Variants in ADARB2 observed in about 807,000 individuals in gnomAD.
The protein encoded by ADARB2 is inactive double-stranded RNA-specific editase B2.
A neutral mutation model predicts 62.2 loss-of-function variants in ADARB2; 25 were observed. The ratio of observed to expected loss-of-function variants is 0.40; its 90% CI spans 0.29 to 0.56. The LOEUF (loss-of-function observed/expected upper bound fraction) is 0.56, where lower values mean the gene tolerates loss of function less well. ADARB2 is among the 20% of genes least tolerant of loss of function. ADARB2 has a pLI of 0.43. For missense variants in ADARB2, 1,071 were observed against 1,077.4 expected (o/e 0.99, Z 0.08); for synonymous variants, 572 against 500.8 (o/e 1.14, Z -1.90).
intron 1 of ADARB2, among the ~76,000 whole-genome samples, chr10:1,712,096 G>A (rs775277664): frequency 2.0e-5 from 3 of 152,172 alleles, no homozygotes; most frequent in Non-Finnish European, 4.4e-5. Context: ...TTTGTAAGAT[G>A]TATTAAGAAA....
chr10:1,524,564 A>C (rs1242650789), intron 1 of ADARB2, among the ~76,000 whole-genome samples: 1 of 152,130 alleles, frequency 6.6e-6, no homozygotes, highest in African/African-American at 2.4e-5. Context: ...CCTAATGAAA[A>C]ATGTAGTATC....
intron 1 of ADARB2, among the ~76,000 whole-genome samples, chr10:1,452,961 G>A (rs1253894049): frequency 1.3e-5 from 2 of 152,208 alleles, no homozygotes; most frequent in Non-Finnish European, 2.9e-5. Flanking sequence ...GCCGCGCAGA[G>A]CCTGGGCCTC....
At position 1,310,370 on chromosome 10, in the gene ADARB2, A is replaced by ACTTCATTGACTCTGAATAACATTC. The variant is rs879348174; in HGVS notation, c.1078-39325_1078-39302dup. 5.9e-3 allele frequency among the ~76,000 whole-genome samples: 890 copies of ACTTCATTGACTCTGAATAACATTC among 151,434 alleles called. 19 individuals are homozygous for ACTTCATTGACTCTGAATAACATTC. Among genetic ancestry groups the ACTTCATTGACTCTGAATAACATTC allele is most frequent in the African/African-American group, 0.021 (857 of 40,896 alleles). Reference sequence around the variant, plus strand: ...GAAGATGTTGGAATCAATGAGAAAAACTTCATTGACTCTGAATAACATTCC... The same window carrying ACTTCATTGACTCTGAATAACATTC: ...GAAGATGTTGGAATCAATGAGAAAAACTTCATTGACTCTGAATAACATTCCTTCATTGACTCTGAATAACATTCC... On this transcript the variant is annotated intron_variant, in intron 3 of 9. Transcript: ENST00000381312.
At chr10:1,291,916 G>A (rs1157791081) in intron 3 of ADARB2, 2 of 152,456 alleles carry the variant, frequency 1.3e-5, no homozygotes, top group African/African-American at 2.4e-5. Flanking sequence ...GCCTGGCACT[G>A]CGGCAGGTCA....
rs191514784 is a variant in ADARB2 at position 1,418,434 on chromosome 10, T to C, written c.101-39274A>G. Among the ~76,000 whole-genome samples, 36 of 152,274 alleles carry C rather than the reference T, an allele frequency of 2.4e-4. No individual in the cohort carries two copies. In the East Asian group the frequency reaches 4.6e-3, roughly 20 times the overall value. On this transcript the variant is annotated intron_variant, in intron 1 of 9. Transcript: ENST00000381312. ...GCCGAGACGCCACGGGGGAGCCTTG[T>C]TGTATGTGGGTTCTGGCTAGAGGCA...
intron 1 of ADARB2, among the ~76,000 whole-genome samples, chr10:1,600,268 G>A (rs1833392800): frequency 6.6e-6 from 1 of 152,160 alleles, no homozygotes; most frequent in Admixed American, 6.5e-5. Flanking sequence ...GCTACACTTA[G>A]GGAAACTGGC....
intron 1 of ADARB2, among the ~76,000 whole-genome samples, chr10:1,687,657 C>CAA (rs111991667): frequency 1.1e-4 from 15 of 141,656 alleles, no homozygotes; most frequent in African/African-American, 2.3e-4. Flanking sequence ...TTTTTTTCTG[C>CAA]AAAAAAAAAA....
At chr10:1,275,603 C>T in intron 3 of ADARB2, among the ~76,000 whole-genome samples, 1 of 151,484 alleles carries the variant, frequency 6.6e-6, no homozygotes, top group African/African-American at 2.4e-5. Flanking sequence ...GTGTGCTGCA[C>T]ACATCAACTC....
At chr10:1,551,124 T>A (rs903657305) in intron 1 of ADARB2, among the ~76,000 whole-genome samples, 12 of 152,110 alleles carry the variant, frequency 7.9e-5, no homozygotes, top group African/African-American at 2.7e-4. Context: ...GGTGTCCTTA[T>A]AAGAAGAGGA....
At position 1,534,474 on chromosome 10, in the gene ADARB2, G is replaced by A. The variant is rs75756689; in HGVS notation, c.101-155314C>T. The A allele has an allele frequency of 0.012, 1,810 of 152,382 alleles. 58 individuals carry two copies. In the East Asian group the frequency reaches 0.13, roughly 11 times the overall value. 9.4% of individuals were successfully genotyped at this position (152,382 alleles called of 1,614,324 possible). A position where few individuals can be genotyped will look rare whatever the true frequency, so the allele number is the denominator to read the frequency against. The stretch of plus-strand genomic sequence containing the variant: ...AGTCCAAAGGCCAGAAGAACCCGGA[G>A]GCTTTCGGCGTTTCCGCCTTTGCCT... On this transcript the variant is annotated intron_variant, in intron 1 of 9. Transcript: ENST00000381312.
At chr10:1,489,169 C>G (rs1429982529) in intron 1 of ADARB2, among the ~76,000 whole-genome samples, 2 of 152,262 alleles carry the variant, frequency 1.3e-5, no homozygotes, top group South Asian at 2.1e-4. Flanking sequence ...TACTTAAACT[C>G]TAAGACATTG....
rs547691721 is a variant in ADARB2 at position 1,220,361 on chromosome 10, GTGA to G, written c.1514-3245_1514-3243del. 1.1e-3 allele frequency among the ~76,000 whole-genome samples: 136 copies of G among 129,032 alleles called. 1 individual carries two copies. Among genetic ancestry groups the G allele is most frequent in the African/African-American group, 3.6e-3 (125 of 35,210 alleles). The allele number at this position is 129,032 out of a possible 152,430, so 84.7% of individuals were successfully genotyped here. A position where few individuals can be genotyped will look rare whatever the true frequency, so the allele number is the denominator to read the frequency against. Reference sequence around the variant, plus strand: ...GATGATGGTGATTGTGGTGATGATGGTGATGATGATGGTGATGGTGGTGGTGAT... The same window carrying G: ...GATGATGGTGATTGTGGTGATGATGGTGATGATGGTGATGGTGGTGGTGAT... On this transcript the variant is annotated intron_variant, in intron 6 of 9. Coordinates refer to ENST00000381312, the MANE Select transcript of ADARB2 (RefSeq NM_018702.4).
At chr10:1,219,090 G>A (rs34314544) in intron 6 of ADARB2, among the ~76,000 whole-genome samples, 42,413 of 145,438 alleles carry the variant, frequency 0.29, 7,068 homozygotes, top group South Asian at 0.47. Flanking sequence ...CATCTCCCCC[G>A]CCCTCTCACT....
intron 1 of ADARB2, among the ~76,000 whole-genome samples, chr10:1,418,715 G>C (rs1023722907): frequency 1.2e-4 from 18 of 152,108 alleles, no homozygotes; most frequent in African/African-American, 4.3e-4. Context: ...CAGTGCCCTA[G>C]CTAGTTTTGG....
intron 3 of ADARB2, among the ~76,000 whole-genome samples, chr10:1,345,681 T>G (rs2131841274): frequency 6.6e-6 from 1 of 152,342 alleles, no homozygotes; most frequent in East Asian, 1.9e-4. Flanking sequence ...CCTTCTTTTT[T>G]GAGGGACAGG....
At chr10:1,588,412 G>A (rs998603095) in intron 1 of ADARB2, among the ~76,000 whole-genome samples, 1 of 152,162 alleles carries the variant, frequency 6.6e-6, no homozygotes, top group African/African-American at 2.4e-5. Flanking sequence ...ACCAATATAA[G>A]GAACTTGATA....
chr10:1,454,885 C>T (rs567647962), intron 1 of ADARB2, among the ~76,000 whole-genome samples: 25 of 152,340 alleles, frequency 1.6e-4, no homozygotes, highest in Middle Eastern at 3.4e-3. Flanking sequence ...CCTTGCTGAG[C>T]TTTACAAGCA....
At chr10:1,351,826 T>C (rs993049330) in intron 3 of ADARB2, among the ~76,000 whole-genome samples, 10 of 151,732 alleles carry the variant, frequency 6.6e-5, no homozygotes, top group African/African-American at 1.5e-4. Flanking sequence ...TCCCCCATTT[T>C]ACCTGTCCTA....
At chr10:1,372,531 T>C (rs996524705) in intron 2 of ADARB2, among the ~76,000 whole-genome samples, 7 of 152,172 alleles carry the variant, frequency 4.6e-5, no homozygotes, top group African/African-American at 1.7e-4. Context: ...AACACATTAA[T>C]TGTGACCATG....
Sources: allele counts gnomAD v4.1 joint callset (sites outside exome capture counted in the v4.1 genomes callset), GRCh38; gene constraint gnomAD v4.1.1; transcripts MANE v1.5; gene names NCBI Gene and HGNC (gene_info 2026-07-23, HGNC 2026-07-21).